SCN10A: variants seen among roughly 807,000 people sequenced by gnomAD.
The protein encoded by SCN10A is sodium channel protein type 10 subunit alpha.
Under a neutral mutation model 170.7 loss-of-function variants are expected in SCN10A, and 162 were observed. The ratio of observed to expected loss-of-function variants is 0.95; its 90% confidence interval spans 0.84 to 1.08. The LOEUF is 1.08. Among genes scored for constraint, SCN10A ranks in the 50% least tolerant of loss-of-function variants. The pLI is 0.00. For missense variants in SCN10A, 2,527 were observed against 2,436.9 expected (o/e 1.04, Z -0.78); for synonymous variants, 985 against 904.6 (o/e 1.09, Z -1.59).
intron 4 of SCN10A, among the ~76,000 whole-genome samples, chr3:38,787,596 C>T (rs945770988): frequency 6.6e-6 from 1 of 151,806 alleles, no homozygotes; most frequent in South Asian, 2.1e-4. Context: ...AAAGGGAAAG[C>T]TTTCCATGTT....
At chr3:38,701,270 G>C (rs1440221901) in intron 27 of SCN10A, among the ~76,000 whole-genome samples, 3 of 152,164 alleles carry the variant, frequency 2.0e-5, no homozygotes, top group African/African-American at 7.2e-5. Context: ...GGCCTTAACA[G>C]TATTAATTTC....
chr3:38,726,564 C>T (rs773660515), intron 17 of SCN10A, 42 bp downstream of exon 17: 11 of 1,487,418 alleles, frequency 7.4e-6, no homozygotes, highest in Non-Finnish European at 9.1e-6. Context: ...CCCTGAAGCC[C>T]CTCCCCACTG....
chr3:38,769,058 C>T (rs2126039056), intron 5 of SCN10A, among the ~76,000 whole-genome samples: 1 of 152,124 alleles, frequency 6.6e-6, no homozygotes, highest in African/African-American at 2.4e-5. Context: ...AAACTTTCCA[C>T]TGCATTTTGT....
At chr3:38,705,726 C>A (rs902614969) in intron 26 of SCN10A, among the ~76,000 whole-genome samples, 100 of 152,066 alleles carry the variant, frequency 6.6e-4, no homozygotes, top group African/African-American at 2.3e-3. Context: ...GGGGAAGGTG[C>A]CAAAAACTTT....
chr3:38,753,144 GAAT>G (rs1260833533), intron 11 of SCN10A, among the ~76,000 whole-genome samples: 1 of 152,218 alleles, frequency 6.6e-6, no homozygotes, highest in East Asian at 1.9e-4. Context: ...TTTCCTGGAA[GAAT>G]AATGTCATTC....
chr3:38,758,289 G>A (rs1474437323), intron 8 of SCN10A, among the ~76,000 whole-genome samples: 1 of 152,136 alleles, frequency 6.6e-6, no homozygotes, highest in Non-Finnish European at 1.5e-5. Context: ...GCTCTTCCAA[G>A]GGGCTAGGCA....
chr3:38,772,718 C>CAAAAA (rs1433827001), intron 4 of SCN10A, among the ~76,000 whole-genome samples: 2 of 76,572 alleles, frequency 2.6e-5, no homozygotes, highest in Admixed American at 1.3e-4. Flanking sequence ...GCAACAACAA[C>CAAAAA]AACAACAAAA....
chr3:38,767,544 G>A (rs1234525869), intron 5 of SCN10A, among the ~76,000 whole-genome samples: 1 of 151,972 alleles, frequency 6.6e-6, no homozygotes, highest in East Asian at 1.9e-4. Flanking sequence ...TATTTGTATA[G>A]TTTTGAGGGT....
chr3:38,794,801 C>G (rs920177060), intron 1 of SCN10A, among the ~76,000 whole-genome samples: 7 of 152,188 alleles, frequency 4.6e-5, no homozygotes, highest in African/African-American at 1.2e-4. Flanking sequence ...TTCAAATACA[C>G]TCTTTTCTCA....
At chr3:38,703,806 C>A (rs992907790) in intron 26 of SCN10A, among the ~76,000 whole-genome samples, 68 of 152,200 alleles carry the variant, frequency 4.5e-4, no homozygotes, top group Admixed American at 2.0e-3. Flanking sequence ...CATATATGTG[C>A]AACTTTTGGC....
intron 4 of SCN10A, among the ~76,000 whole-genome samples, chr3:38,772,472 G>A: frequency 6.6e-6 from 1 of 152,126 alleles, no homozygotes; most frequent in East Asian, 1.9e-4. Flanking sequence ...GGCAGATTAC[G>A]AGGTCAGGAG....
At chr3:38,761,471 C>T (rs1012978246) in intron 6 of SCN10A, 88 bp from the exon 7 acceptor site, 1 of 1,185,028 alleles carries the variant, frequency 8.4e-7, no homozygotes, top group Non-Finnish European at 1.2e-6. Flanking sequence ...TCCTTCATCT[C>T]TACATACAGG....
In SCN10A at chr3:38,707,332, C is replaced by T. The variant is rs1434639234; in HGVS notation, c.4333G>A (p.Ala1445Thr). The T allele has an allele frequency of 1.2e-6, 2 of 1,614,020 alleles. No individual in the cohort carries two copies. Among genetic ancestry groups the T allele is most frequent in the Admixed American group, 3.3e-5 (2 of 60,006 alleles). Reference protein sequence around the residue: ...MTEEQKKYYNAMKKLGSKKPQ... With the variant: ...MTEEQKKYYNTMKKLGSKKPQ... ...TTCTTGGAGCCCAACTTCTTCATGG[C>T]ATTGTAGTATTTCTTCTGCTCCTCT... The change falls in exon 26 of 28, where the codon GCC becomes ACC. Residue 1445 changes from alanine to threonine, a missense_variant. Ala to Thr is a moderately conservative substitution (Grantham distance 58). Transcript: ENST00000449082.
chr3:38,810,260 G>C (rs986413815), intron 1 of SCN10A, among the ~76,000 whole-genome samples: 7 of 152,170 alleles, frequency 4.6e-5, no homozygotes, highest in African/African-American at 1.7e-4. Flanking sequence ...GGTAGAAATG[G>C]GTTTTGGGCA....
At chr3:38,709,159 GTTCT>G (rs1302939658) in intron 25 of SCN10A, among the ~76,000 whole-genome samples, 2 of 152,112 alleles carry the variant, frequency 1.3e-5, no homozygotes, top group Non-Finnish European at 2.9e-5. Context: ...AGGTCAGCAA[GTTCT>G]AGATCCCTTT....
At chr3:38,782,999 G>A (rs1023027475) in intron 4 of SCN10A, among the ~76,000 whole-genome samples, 5 of 152,112 alleles carry the variant, frequency 3.3e-5, no homozygotes, top group African/African-American at 1.2e-4. Flanking sequence ...TTGGGTCTGG[G>A]AAAGACTCTC....
intron 15 of SCN10A, among the ~76,000 whole-genome samples, chr3:38,736,022 A>C (rs1434346851): frequency 1.3e-5 from 2 of 152,252 alleles, no homozygotes; most frequent in African/African-American, 4.8e-5. Context: ...GTGGTTGGGG[A>C]GGTCCCCTCT....
At chr3:38,707,543 C>T (rs771005418) in intron 25 of SCN10A, among the ~76,000 whole-genome samples, 160 bp from the exon 26 acceptor site, 14 of 152,248 alleles carry the variant, frequency 9.2e-5, no homozygotes, top group East Asian at 1.9e-4. Flanking sequence ...CATCCAGTGT[C>T]GGAACGGTGG....
intron 13 of SCN10A, among the ~76,000 whole-genome samples, chr3:38,747,695 T>A (rs1295310552): frequency 6.6e-6 from 1 of 152,220 alleles, no homozygotes; most frequent in Non-Finnish European, 1.5e-5. Context: ...GACCTTCTTT[T>A]GTCTTACCTA....
Sources: gnomAD v4.1 joint callset for allele counts (sites outside exome capture counted in the v4.1 genomes callset) on GRCh38, gnomAD v4.1.1 for gene constraint, MANE v1.5 for transcripts, NCBI Gene and HGNC (gene_info 2026-07-23, HGNC 2026-07-21) for gene names.